Variants in TRPC5 observed in about 807,000 individuals in gnomAD.
TRPC5 encodes the protein short transient receptor potential channel 5.
TRPC5 carries 9 observed loss-of-function variants against 56.5 expected under a neutral mutation model. The ratio of observed to expected loss-of-function variants is 0.16; its 90% CI spans 0.10 to 0.28. The LOEUF (loss-of-function observed/expected upper bound fraction) is 0.28. Ranked by LOEUF, TRPC5 falls within the 10% of genes least tolerant of loss-of-function variation. TRPC5 has a pLI of 1.00. For missense variants in TRPC5, 469 were observed against 748.9 expected (o/e 0.63, Z 4.36); for synonymous variants, 282 against 278.5 (o/e 1.01, Z -0.13).
intron 6 of TRPC5, among the ~76,000 whole-genome samples, chrX:111,846,887 C>G (rs1396623131): frequency 1.8e-5 from 2 of 111,067 alleles, no homozygotes; most frequent in Non-Finnish European, 3.8e-5. Flanking sequence ...CATGTGTGTG[C>G]TTGTTTCTTT....
chrX:111,783,775 A>G (rs1945938812), intron 7 of TRPC5, among the ~76,000 whole-genome samples: 1 of 111,323 alleles, frequency 9.0e-6, no homozygotes, highest in Non-Finnish European at 1.9e-5. Flanking sequence ...AGTCAAAATT[A>G]TCATGTTTAT....
chrX:111,992,268 G>A (rs952598389), intron 1 of TRPC5, among the ~76,000 whole-genome samples: 3 of 112,445 alleles, frequency 2.7e-5, no homozygotes, highest in African/African-American at 6.5e-5. Context: ...TATTTATCTT[G>A]ATTGTGGTGA....
chrX:111,987,337 T>G (rs1051441775), intron 1 of TRPC5, among the ~76,000 whole-genome samples: 2 of 111,662 alleles, frequency 1.8e-5, no homozygotes, highest in African/African-American at 6.5e-5. Flanking sequence ...ACCTTTCTTT[T>G]TCTTTCTTCT....
At chrX:111,824,580 C>T (rs1488997719) in intron 7 of TRPC5, among the ~76,000 whole-genome samples, 1 of 111,215 alleles carries the variant, frequency 9.0e-6, no homozygotes, top group Non-Finnish European at 1.9e-5. Flanking sequence ...AGAGGAGGGG[C>T]CTGGGGCTTT....
chrX:111,779,512 A>G (rs1945903835), intron 9 of TRPC5, among the ~76,000 whole-genome samples: 1 of 111,816 alleles, frequency 8.9e-6, no homozygotes, highest in South Asian at 3.8e-4. Flanking sequence ...TTTTTCTCAT[A>G]GTCAACCTAC....
intron 1 of TRPC5, among the ~76,000 whole-genome samples, chrX:111,967,116 G>A (rs914309190): frequency 3.6e-5 from 4 of 111,912 alleles, no homozygotes; most frequent in African/African-American, 1.3e-4. Flanking sequence ...ACACTGATAA[G>A]CAACTTCAGC....
rs1327295448 is a variant in TRPC5 at position 111,835,123 on chromosome X, G to T, written c.1701-7C>A. 12 of 1,174,825 alleles carry T rather than the reference G, an allele frequency of 1.0e-5. No homozygotes were observed. Among genetic ancestry groups the T allele is most frequent in the Non-Finnish European group, 1.4e-5 (12 of 874,572 alleles). On this transcript the variant is annotated splice_region_variant and splice_polypyrimidine_tract_variant and intron_variant, in intron 6 of 10. Coordinates refer to ENST00000262839, the MANE Select transcript of TRPC5 (RefSeq NM_012471.3). ...CTGAAGAGTCTCAAAGAGCCTAAAA[G>T]AGATCAAAGAGCAGGTTAGTTAATT...
At chrX:111,855,268 G>C (rs753236617) in intron 3 of TRPC5, among the ~76,000 whole-genome samples, 1 of 111,651 alleles carries the variant, frequency 9.0e-6, no homozygotes, top group South Asian at 3.8e-4. Flanking sequence ...CATTACCCAG[G>C]CTCCCTTACA....
intron 1 of TRPC5, among the ~76,000 whole-genome samples, chrX:112,038,252 T>C (rs766001156): frequency 8.9e-6 from 1 of 112,254 alleles, no homozygotes; most frequent in Non-Finnish European, 1.9e-5. Context: ...AAGTTTTAAT[T>C]TAACTGCTTT....
intron 7 of TRPC5, among the ~76,000 whole-genome samples, chrX:111,812,431 G>C (rs757872192): frequency 2.7e-5 from 3 of 111,514 alleles, no homozygotes; most frequent in Non-Finnish European, 3.8e-5. Context: ...ACCTCACGTT[G>C]GGAATTATTA....
At chrX:111,918,876 G>T (rs1213259243) in intron 2 of TRPC5, among the ~76,000 whole-genome samples, 1 of 111,112 alleles carries the variant, frequency 9.0e-6, no homozygotes, top group African/African-American at 3.3e-5. Context: ...TGAATGTGGA[G>T]GTCAGTGGAG....
intron 1 of TRPC5, among the ~76,000 whole-genome samples, chrX:112,036,097 A>C (rs982454559): frequency 6.3e-5 from 7 of 110,832 alleles, no homozygotes; most frequent in Non-Finnish European, 1.3e-4. Context: ...GAAAGCTTAG[A>C]GTCTTCTTAA....
intron 1 of TRPC5, among the ~76,000 whole-genome samples, chrX:112,046,711 T>C (rs1930035747): frequency 9.0e-6 from 1 of 111,527 alleles, no homozygotes; most frequent in Non-Finnish European, 1.9e-5. Context: ...GAGACTATGC[T>C]GCCTAGAAAA....
chrX:111,862,034 T>C (rs766309833), intron 3 of TRPC5, among the ~76,000 whole-genome samples: 1 of 112,176 alleles, frequency 8.9e-6, no homozygotes, highest in Non-Finnish European at 1.9e-5. Flanking sequence ...GACATGTTCA[T>C]TGAAACAGTA....
chrX:111,985,319 A>G (rs1469836458), intron 1 of TRPC5, among the ~76,000 whole-genome samples: 1 of 112,093 alleles, frequency 8.9e-6, no homozygotes, highest in Non-Finnish European at 1.9e-5. Context: ...ACCAACTGTG[A>G]GACAGATCTG....
Position 111,820,222 on chromosome X carries a change from A to G in TRPC5, c.1896+14699T>C, listed in dbSNP as rs752051617. On this transcript the variant is annotated intron_variant, in intron 7 of 10. Coordinates refer to ENST00000262839, the MANE Select transcript of TRPC5 (RefSeq NM_012471.3). ...CAGAGATATCCCCAACCTTTTCCCT[A>G]TCAATCAGTGAAAAGGTATTTATTG... Among the ~76,000 whole-genome samples, 27 of 111,918 alleles carry G rather than the reference A, an allele frequency of 2.4e-4. No homozygotes were observed. The South Asian group carries it at 6.1e-3, about 25-fold the overall frequency.
At chrX:111,815,743 A>G (rs1302217560) in intron 7 of TRPC5, among the ~76,000 whole-genome samples, 1 of 110,101 alleles carries the variant, frequency 9.1e-6, no homozygotes, top group Non-Finnish European at 1.9e-5. Flanking sequence ...ATATATATAT[A>G]TATATATTCA....
intron 1 of TRPC5, among the ~76,000 whole-genome samples, chrX:111,960,037 A>G (rs1193487969): frequency 2.7e-5 from 3 of 112,344 alleles, no homozygotes; most frequent in African/African-American, 9.7e-5. Flanking sequence ...ATAAATTAAA[A>G]TGAAATAAAT....
At chrX:111,979,937 A>G (rs1442863745) in intron 1 of TRPC5, among the ~76,000 whole-genome samples, 1 of 111,735 alleles carries the variant, frequency 8.9e-6, no homozygotes, top group Non-Finnish European at 1.9e-5. Context: ...GTAAGCATAC[A>G]TGTACCGTAT....
Sources: gnomAD v4.1 joint callset for allele counts (sites outside exome capture counted in the v4.1 genomes callset) on GRCh38, gnomAD v4.1.1 for gene constraint, MANE v1.5 for transcripts, NCBI Gene and HGNC (gene_info 2026-07-23, HGNC 2026-07-21) for gene names.